KAZN: variants seen among roughly 807,000 people sequenced by gnomAD.
KAZN encodes the protein kazrin.
A neutral mutation model predicts 87.4 loss-of-function variants in KAZN; 40 were observed. That is an observed-to-expected ratio of 0.46 (90% CI 0.36 to 0.60). KAZN has a LOEUF of 0.60. KAZN is among the 20% of genes least tolerant of loss of function. The pLI is 0.00. For synonymous variants in KAZN, 466 were observed against 458.3 expected (o/e 1.02, Z -0.22); for missense variants, 898 against 1,073.9 (o/e 0.84, Z 2.29).
exon 1 of KAZN, chr1:13,893,720 C>T: frequency 1.9e-6 from 3 of 1,550,536 alleles, no homozygotes; most frequent in African/African-American, 1.4e-5. Context: ...CACCTTCTCC[C>T]ACGTCTTTGG....
intron 1 of KAZN, among the ~76,000 whole-genome samples, chr1:14,068,123 C>T (rs995131392): frequency 6.6e-6 from 1 of 152,026 alleles, no homozygotes; most frequent in Non-Finnish European, 1.5e-5. Context: ...TTGATGTTCC[C>T]CCCCCCAACA....
At chr1:14,968,178 A>G (rs2101819519) in intron 2 of KAZN, among the ~76,000 whole-genome samples, 1 of 150,888 alleles carries the variant, frequency 6.6e-6, no homozygotes, top group East Asian at 1.9e-4. Flanking sequence ...TCTAGGGGTG[A>G]CGGGAGACAG....
At chr1:14,224,142 A>G (rs1647178171) in intron 2 of KAZN, among the ~76,000 whole-genome samples, 1 of 152,188 alleles carries the variant, frequency 6.6e-6, no homozygotes, top group Non-Finnish European at 1.5e-5. Context: ...CTCATACCCA[A>G]CTGTCATTGA....
chr1:14,833,496 G>C (rs909048120), intron 1 of KAZN, among the ~76,000 whole-genome samples: 20 of 152,224 alleles, frequency 1.3e-4, no homozygotes, highest in East Asian at 5.8e-4. Flanking sequence ...GTTCAATCCT[G>C]CTGGGTGTCT....
At chr1:14,337,146 A>G (rs900327930) in intron 2 of KAZN, among the ~76,000 whole-genome samples, 5 of 152,244 alleles carry the variant, frequency 3.3e-5, no homozygotes, top group Non-Finnish European at 4.4e-5. Flanking sequence ...CACTTAGCAC[A>G]GAGTAAATGC....
chr1:14,916,753 A>C (rs947893926), intron 1 of KAZN, among the ~76,000 whole-genome samples: 5 of 152,056 alleles, frequency 3.3e-5, no homozygotes, highest in African/African-American at 1.2e-4. Context: ...ATCTACAAAA[A>C]AAATTAAAAA....
At chr1:14,259,196 T>C (rs1439907173) in intron 2 of KAZN, among the ~76,000 whole-genome samples, 6 of 152,050 alleles carry the variant, frequency 3.9e-5, no homozygotes, top group Non-Finnish European at 7.4e-5. Flanking sequence ...GCTCCGCACT[T>C]GGTGTCGGAT....
chr1:14,395,081 GGAGA>G (rs1444376092), intron 2 of KAZN, among the ~76,000 whole-genome samples: 4 of 152,080 alleles, frequency 2.6e-5, no homozygotes, highest in African/African-American at 4.8e-5. Flanking sequence ...AAGGATGGAA[GGAGA>G]GAGAGAGGGA....
chr1:14,611,613 C>G (rs868548241), intron 1 of KAZN, among the ~76,000 whole-genome samples: 10 of 150,812 alleles, frequency 6.6e-5, no homozygotes, highest in Non-Finnish European at 1.3e-4. Context: ...AACTTGGGAC[C>G]AGGAGTTTGA....
At chr1:15,080,807 C>A (rs544517778) in intron 8 of KAZN, among the ~76,000 whole-genome samples, 5 of 152,124 alleles carry the variant, frequency 3.3e-5, no homozygotes, top group Non-Finnish European at 7.3e-5. Context: ...ACAGAGGCCC[C>A]GGGGTAGAAG....
chr1:14,404,463 C>T lies in KAZN; in HGVS notation c.250-194520C>T, dbSNP rs78126320. On this transcript the variant is annotated intron_variant, in intron 2 of 16. Transcript: ENST00000636203. ...GCCTAAATAATTTCTTTCTATCTCCCGTATCAGTGTGCTGGAACAACAAGG... is the reference window on the plus strand; with the variant it reads ...GCCTAAATAATTTCTTTCTATCTCCTGTATCAGTGTGCTGGAACAACAAGG... 7.6e-3 allele frequency among the ~76,000 whole-genome samples: 1,158 copies of T among 152,230 alleles called. 16 individuals are homozygous for T. Among genetic ancestry groups the T allele is most frequent in the African/African-American group, 0.026 (1,090 of 41,530 alleles).
At chr1:14,412,719 T>A (rs1330567542) in intron 2 of KAZN, among the ~76,000 whole-genome samples, 1 of 151,852 alleles carries the variant, frequency 6.6e-6, no homozygotes, top group Non-Finnish European at 1.5e-5. Context: ...GTCTATAAAG[T>A]TAATATAATT....
chr1:14,945,911 C>CTG, intron 1 of KAZN: 1 of 985,456 alleles, frequency 1.0e-6, no homozygotes, highest in Non-Finnish European at 1.2e-6. Context: ...CAGGCATGCC[C>CTG]TGTGATGGCA....
chr1:14,219,186 T>A (rs1273121434), intron 2 of KAZN, among the ~76,000 whole-genome samples: 1 of 151,986 alleles, frequency 6.6e-6, no homozygotes, highest in African/African-American at 2.4e-5. Flanking sequence ...GGAAATGAAA[T>A]ATAGGGATGT....
chr1:14,772,761 G>A (rs761643640), intron 1 of KAZN, among the ~76,000 whole-genome samples: 2 of 152,008 alleles, frequency 1.3e-5, no homozygotes, highest in African/African-American at 2.4e-5. Context: ...CCGAGGGTCC[G>A]CTATTTCTAA....
At chr1:14,349,319 G>A (rs916512932) in intron 2 of KAZN, 2 of 152,184 alleles carry the variant, frequency 1.3e-5, no homozygotes, top group African/African-American at 4.8e-5. Flanking sequence ...GGGATTTCAA[G>A]CCAGGACTCA....
chr1:14,654,947 G>A (rs2148704134), intron 1 of KAZN, among the ~76,000 whole-genome samples: 1 of 152,350 alleles, frequency 6.6e-6, no homozygotes, highest in African/African-American at 2.4e-5. Flanking sequence ...TGTTCATTTT[G>A]TTGAACAAGA....
intron 1 of KAZN, among the ~76,000 whole-genome samples, chr1:14,713,797 A>AAAG (rs1553215137): frequency 3.1e-5 from 3 of 95,686 alleles, no homozygotes; most frequent in African/African-American, 8.4e-5. Context: ...AAAAAAAAAA[A>AAAG]AAAGAAAGAA....
At chr1:14,025,316 A>G (rs1641023427) in intron 1 of KAZN, among the ~76,000 whole-genome samples, 1 of 152,242 alleles carries the variant, frequency 6.6e-6, no homozygotes, top group African/African-American at 2.4e-5. Flanking sequence ...AGTTCTGACT[A>G]AATAAGATTT....
Sources: allele counts gnomAD v4.1 joint callset (sites outside exome capture counted in the v4.1 genomes callset), GRCh38; gene constraint gnomAD v4.1.1; transcripts MANE v1.5; gene names NCBI Gene and HGNC (gene_info 2026-07-23, HGNC 2026-07-21).